The following WDR18 variants were observed in gnomAD, a reference collection of about 807,000 sequenced individuals.
WDR18 encodes WD repeat domain 18, also known as WD repeat-containing protein 18.
WDR18 carries 33 observed loss-of-function variants against 49.6 expected under a neutral mutation model. The observed-to-expected ratio is 0.67, with a 90% CI of 0.50 to 0.89. WDR18 has a LOEUF of 0.89. Ranked by LOEUF, WDR18 falls within the 40% of genes least tolerant of loss-of-function variation. The pLI, the probability that WDR18 is intolerant of heterozygous loss-of-function variation, is 0.00. For missense variants in WDR18, 653 were observed against 593.6 expected (o/e 1.10, Z -1.04); for synonymous variants, 315 against 263.6 (o/e 1.19, Z -1.89).
chr19:985,911 T>G lies in WDR18; in HGVS notation c.257T>G (p.Leu86Arg). The change falls in exon 2 of 10, where the codon CTG becomes CGG. Residue 86 changes from leucine (L) to arginine (R), a missense_variant. Leu to Arg is a moderately radical substitution (Grantham distance 102, BLOSUM62 -2). Transcript: ENST00000585809. The part of the protein sequence containing the change: ...KIMCPGPVTC[L>R]TASPNGLYVL... ...ATGTGCCCCGGGCCTGTCACCTGTC[T>G]GACTGCATCACCCAATGGTCTCTAC... The G allele has an allele frequency of 6.2e-7, 1 of 1,613,984 alleles. No individual in the cohort carries two copies. Among genetic ancestry groups the G allele is most frequent in the Non-Finnish European group, 8.5e-7 (1 of 1,180,004 alleles).
rs145378454 is a variant in WDR18 at position 990,249 on chromosome 19, T to C, written c.482T>C (p.Ile161Thr). ...CSVLQADPSR[I>T]PAPRHVWSHH... is the part of the protein sequence containing the mutation. ...GTGCTGCAGGCCGACCCCTCCAGGA[T>C]TCCGGCGCCCAGGCACGTCTGGTCT... Residue 161 changes from isoleucine to threonine, a missense_variant, in exon 4 of 10, where the codon ATT (isoleucine) becomes ACT (threonine). Coordinates refer to ENST00000585809, the MANE Select transcript of WDR18 (RefSeq NM_024100.4). The C allele has an allele frequency of 1.1e-4, 168 of 1,598,636 alleles. No individual in the cohort carries two copies. Among genetic ancestry groups the C allele is most frequent in the Non-Finnish European group, 1.4e-4 (167 of 1,179,228 alleles).
intron 8 of WDR18, among the ~76,000 whole-genome samples, chr19:992,340 C>T (rs971043416): frequency 1.3e-5 from 2 of 152,224 alleles, no homozygotes; most frequent in African/African-American, 2.4e-5. Context: ...CACCCCTCTT[C>T]CCCCGGCCAG....
upstream of WDR18, among the ~76,000 whole-genome samples, chr19:982,953 C>CGG (rs1260026269): frequency 6.6e-6 from 1 of 152,160 alleles, no homozygotes; most frequent in East Asian, 1.9e-4. Flanking sequence ...TGCCCTCCGC[C>CGG]GGGAGCCGCG....
chr19:984,261 C>T, upstream of WDR18: 9 of 1,311,944 alleles, frequency 6.9e-6, no homozygotes, highest in Non-Finnish European at 8.9e-6. Flanking sequence ...CGGCCACCCG[C>T]TGGGGCCGCG....
At chr19:987,115 G>A (rs2038483287) in intron 2 of WDR18, among the ~76,000 whole-genome samples, 5 of 152,198 alleles carry the variant, frequency 3.3e-5, no homozygotes, top group Admixed American at 3.3e-4. Flanking sequence ...GGCTGAGACG[G>A]GCAGATCACT....
At chr19:984,305 C>T (rs768555005), upstream of WDR18, 7 of 1,504,672 alleles carry the variant, frequency 4.7e-6, no homozygotes, top group Non-Finnish European at 6.2e-6. Context: ...GGGCAGTCGT[C>T]CGCGTCTCGC....
rs142023318 is a variant in WDR18, at chr19:991,312, G to C, written c.892G>C (p.Val298Leu). 3 of 1,560,266 alleles carry C rather than the reference G, an allele frequency of 1.9e-6. No individual in the cohort carries two copies. Among genetic ancestry groups the C allele is most frequent in the Admixed American group, 3.8e-5 (2 of 52,260 alleles). Residue 298 changes from valine to leucine, a missense_variant, in exon 7 of 10, where the codon GTG becomes CTG. Coordinates refer to ENST00000585809, the MANE Select transcript of WDR18 (RefSeq NM_024100.4). ...SHDETVRLWD[V>L]QSKQCIRTVA... Reference sequence around the variant, plus strand: ...CGACGAGACCGTGCGCCTCTGGGACGTGCAGAGCAAGCAGTGCATCCGGAC... The same window carrying C: ...CGACGAGACCGTGCGCCTCTGGGACCTGCAGAGCAAGCAGTGCATCCGGAC...
At chr19:991,391 G>T in intron 7 of WDR18, 40 bp downstream of exon 7, 1 of 1,484,918 alleles carries the variant, frequency 6.7e-7, no homozygotes. Context: ...AGCGCGCAGG[G>T]GAAAAAGCCA....
chr19:984,223 T>G, upstream of WDR18: 1 of 967,342 alleles, frequency 1.0e-6, no homozygotes, highest in Non-Finnish European at 1.4e-6. Flanking sequence ...AAAGCCCCTC[T>G]CTCCGAGGCA....
intron 2 of WDR18, 102 bp downstream of exon 2, chr19:986,077 G>T (rs564014269): frequency 1.9e-6 from 2 of 1,079,864 alleles, no homozygotes; most frequent in African/African-American, 3.1e-5. Context: ...GGGGCCCTGG[G>T]ATGGGTGACT....
At chr19:984,619 G>T (rs942515836) in intron 1 of WDR18, 56 bp downstream of exon 1, 2 of 1,372,966 alleles carry the variant, frequency 1.5e-6, no homozygotes, top group South Asian at 3.2e-5. Flanking sequence ...CTGAAGTCGG[G>T]GGATGGGTTG....
chr19:993,731 G>C (rs1599449793), intron 8 of WDR18, among the ~76,000 whole-genome samples: 1 of 152,068 alleles, frequency 6.6e-6, no homozygotes, highest in African/African-American at 2.4e-5. Context: ...TCTGGCCCAG[G>C]CCCCTGTCTG....
intron 2 of WDR18, 83 bp downstream of exon 2, chr19:986,058 A>G (rs1775852018): frequency 4.4e-6 from 6 of 1,371,636 alleles, no homozygotes; most frequent in Non-Finnish European, 6.2e-6. Flanking sequence ...GGGAACAACC[A>G]TGCGGCCTGG....
rs530917932 is a variant in WDR18, at chr19:991,284, C to T, written c.864C>T (p.Ser288=). ...ACGGCAGCGTGCTGCTCTCAGGCTC[C>T]CACGACGAGACCGTGCGCCTCTGGG... ...STDGSVLLSG[S]HDETVRLWDV... Residue 288 remains serine, a synonymous_variant, in exon 7 of 10, where the codon TCC becomes TCT. Transcript: ENST00000585809. 8.9e-6 allele frequency: 14 copies of T among 1,566,790 alleles called. No homozygotes were observed. Among genetic ancestry groups the T allele is most frequent in the African/African-American group, 1.4e-5 (1 of 73,846 alleles).
In WDR18 at chr19:990,440, T is replaced by C. The variant is rs1038271254; in HGVS notation, c.597+76T>C. 3 of 1,443,192 alleles carry C rather than the reference T, an allele frequency of 2.1e-6. No homozygotes were observed. The African/African-American group carries it at 4.4e-5, about 21-fold the overall frequency. The allele number at this position is 1,443,192 out of a possible 1,614,324, so 89.4% of individuals were successfully genotyped here. On this transcript the variant is annotated intron_variant, in intron 4 of 9. Transcript: ENST00000585809. ...AGGTCCTCAGCCAGGAATGCAGGAATCGCCTCCTCCCGCTCCCTGCTGTCA... is the reference window on the plus strand; with the variant it reads ...AGGTCCTCAGCCAGGAATGCAGGAACCGCCTCCTCCCGCTCCCTGCTGTCA...
chr19:994,100 C>T lies in WDR18; in HGVS notation c.1167+12C>T. The stretch of plus-strand genomic sequence containing the variant: ...GCACCATGGAGAAGGTGGGCGGGGC[C>T]TCGGGAGGGGCGGGGCCTGAGGCTG... On this transcript the variant is annotated intron_variant, in intron 9 of 9. Coordinates refer to ENST00000585809, the MANE Select transcript of WDR18 (RefSeq NM_024100.4). 1 of 1,554,054 alleles carries T rather than the reference C, an allele frequency of 6.4e-7. No individual in the cohort carries two copies. Among genetic ancestry groups the T allele is most frequent in the Non-Finnish European group, 8.7e-7 (1 of 1,151,290 alleles).
At chr19:989,288 C>T (rs1176040121) in intron 2 of WDR18, among the ~76,000 whole-genome samples, 2 of 152,020 alleles carry the variant, frequency 1.3e-5, no homozygotes, top group African/African-American at 4.8e-5. Context: ...CTGTCCTCTT[C>T]CTCAGATGGA....
chr19:990,668 C>A, intron 4 of WDR18, 184 bp from the exon 5 acceptor site: 2 of 959,232 alleles, frequency 2.1e-6, no homozygotes, highest in Non-Finnish European at 2.9e-6. Context: ...GGAGACCAAG[C>A]TCCATTTCAG....
rs765616254 is a variant in WDR18 at position 990,277 on chromosome 19, C to T, written c.510C>T (p.His170=). Residue 170 remains histidine, a synonymous_variant, in exon 4 of 10, where the codon CAC becomes CAT. Transcript: ENST00000585809. ...CGGCGCCCAGGCACGTCTGGTCTCA[C>T]CACGCGCTCCCCATCACGGACCTGC... ...RIPAPRHVWS[H]HALPITDLHC... is the part of the protein sequence containing the mutation. The T allele has an allele frequency of 1.3e-6, 2 of 1,599,658 alleles. No individual in the cohort carries two copies. Among genetic ancestry groups the T allele is most frequent in the Non-Finnish European group, 1.7e-6 (2 of 1,179,308 alleles).
Sources: allele counts gnomAD v4.1 joint callset (sites outside exome capture counted in the v4.1 genomes callset), GRCh38; gene constraint gnomAD v4.1.1; transcripts MANE v1.5; gene names NCBI Gene and HGNC (gene_info 2026-07-23, HGNC 2026-07-21).